The following KIAA0319L variants were observed in gnomAD, a reference collection of about 807,000 sequenced individuals.
KIAA0319L encodes dyslexia-associated protein KIAA0319-like protein.
A neutral mutation model predicts 120.1 loss-of-function variants in KIAA0319L; 55 were observed. The observed-to-expected ratio is 0.46, with a 90% CI of 0.37 to 0.57. The LOEUF (loss-of-function observed/expected upper bound fraction) is 0.57, where lower values mean the gene tolerates loss of function less well. Among genes scored for constraint, KIAA0319L ranks in the 20% least tolerant of loss-of-function variants. KIAA0319L has a pLI of 0.00. For missense variants in KIAA0319L, 1,049 were observed against 1,255.3 expected, an observed-to-expected ratio of 0.84 and a Z score of 2.48; for synonymous variants, 398 against 471.9, an observed-to-expected ratio of 0.84 and a Z score of 2.03.
intron 1 of KIAA0319L, chr1:35,556,670 CAA>C (rs1384342926): frequency 6.6e-6 from 1 of 152,236 alleles, no homozygotes; most frequent in Non-Finnish European, 1.5e-5. Context: ...GACCAGAAGC[CAA>C]AGAGTTCCTG....
At chr1:35,520,778 C>T (rs960314278) in intron 2 of KIAA0319L, among the ~76,000 whole-genome samples, 2 of 152,132 alleles carry the variant, frequency 1.3e-5, no homozygotes, top group Non-Finnish European at 2.9e-5. Context: ...GCACCTGCTG[C>T]ATGCTGGGAA....
chr1:35,523,020 A>G (rs1645988949), intron 2 of KIAA0319L, among the ~76,000 whole-genome samples: 1 of 150,966 alleles, frequency 6.6e-6, no homozygotes, highest in East Asian at 1.9e-4. Flanking sequence ...CACATAAAAA[A>G]AAAAAAAAAA....
chr1:35,450,830 C>T (rs558887753), intron 13 of KIAA0319L, among the ~76,000 whole-genome samples: 50 of 152,198 alleles, frequency 3.3e-4, no homozygotes, highest in Non-Finnish European at 6.6e-4. Context: ...TCAGAAATAA[C>T]GGCCCAAACT....
At chr1:35,480,212 G>A (rs1441728849) in intron 3 of KIAA0319L, among the ~76,000 whole-genome samples, 2 of 152,116 alleles carry the variant, frequency 1.3e-5, no homozygotes, top group Admixed American at 6.5e-5. Context: ...AGCAAAGTGA[G>A]AGGCAAAAGT....
intron 6 of KIAA0319L, among the ~76,000 whole-genome samples, chr1:35,467,040 C>T (rs778942822): frequency 1.1e-4 from 16 of 151,256 alleles, no homozygotes; most frequent in African/African-American, 3.4e-4. Context: ...TACAGTGAGC[C>T]GAGATCATGT....
intron 3 of KIAA0319L, among the ~76,000 whole-genome samples, chr1:35,491,308 A>G (rs941236148): frequency 6.6e-6 from 1 of 152,224 alleles, no homozygotes; most frequent in African/African-American, 2.4e-5. Flanking sequence ...ATAATTTCCC[A>G]AATTTGAAGA....
chr1:35,510,622 A>AT (rs1340066271), intron 2 of KIAA0319L: 1 of 151,276 alleles, frequency 6.6e-6, no homozygotes, highest in Non-Finnish European at 1.5e-5. Context: ...TTATTTATTT[A>AT]TTTAGAGACA....
intron 2 of KIAA0319L, among the ~76,000 whole-genome samples, chr1:35,534,297 C>A (rs1377009981): frequency 5.9e-5 from 9 of 152,212 alleles, no homozygotes; most frequent in Non-Finnish European, 1.2e-4. Context: ...TTTCCCTTCA[C>A]CGTGGTATTT....
chr1:35,482,063 A>T (rs1644194431), intron 3 of KIAA0319L, among the ~76,000 whole-genome samples: 1 of 151,880 alleles, frequency 6.6e-6, no homozygotes, highest in Non-Finnish European at 1.5e-5. Flanking sequence ...TGACCTCGTG[A>T]TCCACCTGCC....
chr1:35,531,862 T>C (rs750458078), intron 2 of KIAA0319L, among the ~76,000 whole-genome samples: 3 of 152,130 alleles, frequency 2.0e-5, no homozygotes, highest in Non-Finnish European at 4.4e-5. Flanking sequence ...GTAAAAAATG[T>C]GAGGCCTAGG....
At chr1:35,535,636 T>G (rs574907729) in intron 2 of KIAA0319L, among the ~76,000 whole-genome samples, 1 of 152,288 alleles carries the variant, frequency 6.6e-6, no homozygotes, top group East Asian at 1.9e-4. Flanking sequence ...GAGCCTGGCA[T>G]ATAGTATTAA....
intron 15 of KIAA0319L, 47 bp downstream of exon 15, chr1:35,449,820 T>G: frequency 6.2e-7 from 1 of 1,606,060 alleles, no homozygotes; most frequent in Non-Finnish European, 8.5e-7. Context: ...AGGCCTTGAT[T>G]GGCTGATTCA....
chr1:35,451,642 A>G lies in KIAA0319L; in HGVS notation c.2048T>C (p.Val683Ala), dbSNP rs1173936582. 6.2e-7 allele frequency: 1 copy of G among 1,614,068 alleles called. No individual in the cohort carries two copies. Among genetic ancestry groups the G allele is most frequent in the Non-Finnish European group, 8.5e-7 (1 of 1,179,958 alleles). ...RNLQSQSSVN[V>A]IVKEEINKPP... ...CAGAGAGGTACCTTCTTTGACAATG[A>G]CATTCACAGAGCTCTGGCTTTGCAG... Residue 683 changes from valine to alanine, a missense_variant, in exon 13 of 21, where the codon GTC becomes GCC. Transcript: ENST00000325722.
intron 7 of KIAA0319L, among the ~76,000 whole-genome samples, 160 bp from the exon 8 acceptor site, chr1:35,462,873 C>T (rs996759361): frequency 6.7e-6 from 1 of 149,718 alleles, no homozygotes; most frequent in East Asian, 2.0e-4. Flanking sequence ...TTTCCATGAA[C>T]GGGTGGTGGG....
At chr1:35,472,448 C>T (rs918220438) in intron 5 of KIAA0319L, among the ~76,000 whole-genome samples, 18 of 152,252 alleles carry the variant, frequency 1.2e-4, no homozygotes, top group Admixed American at 7.2e-4. Context: ...CGTACCACCA[C>T]GTCTGGCTAA....
intron 17 of KIAA0319L, among the ~76,000 whole-genome samples, chr1:35,443,883 A>T (rs1641415212): frequency 6.6e-6 from 1 of 152,164 alleles, no homozygotes; most frequent in South Asian, 2.1e-4. Flanking sequence ...TCATTGAAGT[A>T]AACAGTGAGT....
At chr1:35,484,798 A>AT (rs1644312562) in intron 3 of KIAA0319L, among the ~76,000 whole-genome samples, 2 of 25,314 alleles carry the variant, frequency 7.9e-5, no homozygotes, top group African/African-American at 2.4e-4. Context: ...ATATATATAT[A>AT]TATATATATT....
rs752662506 is a variant in KIAA0319L, at chr1:35,450,365, GC to G, written c.2206del (p.Ala736GlnfsTer6). ...AGCTCCTAGCACACTTACCCCTGCT[GC>G]TGGGCTCCCCTCATCTCGAGTCCAG... ...YLWTRDEGSP[A>X]AGEVLNHSDH... On this transcript the variant is annotated frameshift_variant, in exon 14 of 21. Transcript: ENST00000325722. LOFTEE classifies it high-confidence loss of function. The G allele has an allele frequency of 1.9e-6, 3 of 1,613,382 alleles. No individual in the cohort carries two copies. In the Admixed American group the frequency reaches 5.0e-5, roughly 27 times the overall value.
chr1:35,499,171 T>C (rs1186831579), intron 3 of KIAA0319L, among the ~76,000 whole-genome samples: 1 of 151,896 alleles, frequency 6.6e-6, no homozygotes, highest in Non-Finnish European at 1.5e-5. Flanking sequence ...TAGTAAGGAG[T>C]TGTTAAGGGA....
Sources: gnomAD v4.1 joint callset for allele counts (sites outside exome capture counted in the v4.1 genomes callset) on GRCh38, gnomAD v4.1.1 for gene constraint, MANE v1.5 for transcripts, NCBI Gene and HGNC (gene_info 2026-07-23, HGNC 2026-07-21) for gene names.